The following CACNB1 variants were observed in gnomAD, a reference collection of about 807,000 sequenced individuals.
The protein encoded by CACNB1 is voltage-dependent L-type calcium channel subunit beta-1.
A neutral mutation model predicts 71.6 loss-of-function variants in CACNB1; 29 were observed. The ratio of observed to expected loss-of-function variants is 0.40; its 90% CI spans 0.30 to 0.55. The LOEUF (loss-of-function observed/expected upper bound fraction) is 0.55, where lower values mean the gene tolerates loss of function less well. Among genes scored for constraint, CACNB1 ranks in the 20% least tolerant of loss-of-function variants. CACNB1 has a pLI of 0.38. For synonymous variants in CACNB1, 300 were observed against 319.6 expected (o/e 0.94, Z 0.65); for missense variants, 623 against 801.8 (o/e 0.78, Z 2.69).
intron 11 of CACNB1, 38 bp downstream of exon 11, chr17:39,183,675 C>G (rs1199616472): frequency 2.0e-6 from 3 of 1,498,828 alleles, no homozygotes; most frequent in Middle Eastern, 1.8e-4. Flanking sequence ...CCCTTTCAAA[C>G]CACGCTGTCC....
At chr17:39,177,591 G>GT in intron 12 of CACNB1, 56 bp from the exon 13 acceptor site, 1 of 1,429,784 alleles carries the variant, frequency 7.0e-7, no homozygotes, top group South Asian at 1.3e-5. Flanking sequence ...GGCCAAGGGG[G>GT]TTGAGGGTGT....
chr17:39,177,306 C>A, intron 13 of CACNB1, 44 bp downstream of exon 13: 2 of 1,611,338 alleles, frequency 1.2e-6, no homozygotes. Context: ...CTCCAGCCCG[C>A]CCCAGAAGCC....
chr17:39,189,987 C>T (rs1047470781), intron 3 of CACNB1, among the ~76,000 whole-genome samples: 3 of 151,622 alleles, frequency 2.0e-5, no homozygotes, highest in Admixed American at 6.6e-5. Context: ...TGGTGGCGGG[C>T]GCCTATAATC....
chr17:39,189,788 G>A lies in CACNB1; in HGVS notation c.291+1686C>T, dbSNP rs576858709. 6.6e-5 allele frequency among the ~76,000 whole-genome samples: 10 copies of A among 150,914 alleles called. No homozygotes were observed. The East Asian group carries it at 8.3e-4, about 13-fold the overall frequency. On this transcript the variant is annotated intron_variant, in intron 3 of 13. Coordinates refer to ENST00000394303, the MANE Select transcript of CACNB1 (RefSeq NM_000723.5). ...GCCGGGATTACAGGCGTGAGCCACCGCACCCAGCCAGCCCTGTCGGTTTTT... is the reference window on the plus strand; with the variant it reads ...GCCGGGATTACAGGCGTGAGCCACCACACCCAGCCAGCCCTGTCGGTTTTT...
chr17:39,187,037 G>T (rs1356893138), intron 4 of CACNB1, 108 bp from the exon 5 acceptor site: 2 of 1,230,946 alleles, frequency 1.6e-6, no homozygotes, highest in African/African-American at 1.5e-5. Flanking sequence ...CAGCCCAGGG[G>T]TGGCACCCTC....
chr17:39,191,372 G>C (rs2046076465), intron 3 of CACNB1, 102 bp downstream of exon 3: 1 of 1,202,060 alleles, frequency 8.3e-7, no homozygotes, highest in South Asian at 1.6e-5. Context: ...GTACTAGGAA[G>C]TGGCTGGGTC....
chr17:39,184,341 G>T lies in CACNB1; in HGVS notation c.772C>A (p.His258Asn). 6.5e-7 allele frequency: 1 copy of T among 1,547,458 alleles called. No individual in the cohort carries two copies. The highest frequency in any genetic ancestry group is 8.7e-7 in the Non-Finnish European group (1 of 1,143,990). Residue 258 changes from histidine to asparagine, a missense_variant, in exon 9 of 14, where the codon CAT becomes AAT. Coordinates refer to ENST00000394303, the MANE Select transcript of CACNB1 (RefSeq NM_000723.5). Reference protein sequence around the residue: ...MQKALFDFLKHRFDGRISITR... With the variant: ...MQKALFDFLKNRFDGRISITR... ...GGATCTTACCTGCCATCAAACCGAT[G>T]CTTCAAGAAGTCAAATAAAGCTTTC...
chr17:39,179,786 G>T (rs1302607185), intron 11 of CACNB1, among the ~76,000 whole-genome samples: 1 of 151,942 alleles, frequency 6.6e-6, no homozygotes, highest in African/African-American at 2.4e-5. Flanking sequence ...GCACATGCCT[G>T]TAGTCCCAGC....
rs1044288605 is a variant in CACNB1 at position 39,175,015 on chromosome 17, T to TA, written c.*177dup. 38 of 613,254 alleles carry TA rather than the reference T, an allele frequency of 6.2e-5. No individual in the cohort carries two copies. Among genetic ancestry groups the TA allele is most frequent in the Non-Finnish European group, 1.0e-4 (36 of 351,438 alleles). The allele number at this position is 613,254 out of a possible 1,614,324, so 38.0% of individuals were successfully genotyped here. A position where few individuals can be genotyped will look rare whatever the true frequency, so the allele number is the denominator to read the frequency against. On this transcript the variant is annotated 3_prime_UTR_variant, in exon 14 of 14. Coordinates refer to ENST00000394303, the MANE Select transcript of CACNB1 (RefSeq NM_000723.5). The surrounding 1 kb of genome is among the most constrained non-coding windows in gnomAD (Gnocchi z 4.7). ...CAGGTAAAAACCGACAGCTGGGGCT[T>TA]AAGGGCCTCCCGGGAGCTGGGATGG...
chr17:39,196,404 C>G (rs924543408), intron 1 of CACNB1, among the ~76,000 whole-genome samples: 1 of 152,134 alleles, frequency 6.6e-6, no homozygotes, highest in Non-Finnish European at 1.5e-5. Context: ...GAAAGGAAGG[C>G]CCCAGTCAGC....
Position 39,186,069 on chromosome 17 carries a change from G to T in CACNB1, c.628+427C>A. The T allele has an allele frequency of 6.2e-7, 1 of 1,613,966 alleles. No homozygotes were observed. The highest frequency in any genetic ancestry group is 8.5e-7 in the Non-Finnish European group (1 of 1,179,918). The stretch of plus-strand genomic sequence containing the variant: ...GCCTCTTCCTCCTCTAACTCTAGGG[G>T]GTCTAGTTCAAAGGCTAAGTTAGTC... On this transcript the variant is annotated intron_variant, in intron 6 of 13. Coordinates refer to ENST00000394303, the MANE Select transcript of CACNB1 (RefSeq NM_000723.5). This position sits in a 1 kb window ranked among gnomAD's most constrained non-coding sequence, Gnocchi z 4.1.
intron 11 of CACNB1, among the ~76,000 whole-genome samples, chr17:39,182,032 G>C (rs1417487375): frequency 3.0e-4 from 45 of 151,994 alleles, no homozygotes; most frequent in Admixed American, 2.8e-3. Context: ...GTGGTGGCAT[G>C]CACCTGTAGT....
intron 3 of CACNB1, among the ~76,000 whole-genome samples, chr17:39,188,535 C>T (rs2045997173): frequency 6.6e-6 from 1 of 151,784 alleles, no homozygotes; most frequent in Non-Finnish European, 1.5e-5. Flanking sequence ...GATCATGCCA[C>T]TATACTCCAG....
chr17:39,186,688 C>A lies in CACNB1; in HGVS notation c.551+105G>T, dbSNP rs2045949559. The A allele has an allele frequency of 6.5e-7, 1 of 1,540,234 alleles. No individual in the cohort carries two copies. The highest frequency in any genetic ancestry group is 1.4e-5 in the African/African-American group (1 of 73,730). ...CCAGCCCCACTGGTGATGCCACAGGCAGCTCTGTGCCCTCAGGGCCAGGGA... is the reference window on the plus strand; with the variant it reads ...CCAGCCCCACTGGTGATGCCACAGGAAGCTCTGTGCCCTCAGGGCCAGGGA... On this transcript the variant is annotated intron_variant, in intron 5 of 13. Transcript: ENST00000394303. This position sits in a 1 kb window ranked among gnomAD's most constrained non-coding sequence, Gnocchi z 4.1.
Position 39,177,372 on chromosome 17 carries a change from G to C in CACNB1, c.1310C>G (p.Pro437Arg), listed in dbSNP as rs775571220. The part of the protein sequence containing the change: ...TMATAALAAS[P>R]APVSNLQGPY... ...TACCTGGAGGTTGGAGACAGGGGCA[G>C]GGCTGGCAGCCAGGGCTGCGGTAGC... Residue 437 changes from proline (P) to arginine (R), a missense_variant, in exon 13 of 14, where the codon CCT becomes CGT. By Grantham distance (103) the Pro-to-Arg change is moderately radical. Transcript: ENST00000394303. The C allele has an allele frequency of 1.9e-6, 3 of 1,613,424 alleles. No homozygotes were observed. Among genetic ancestry groups the C allele is most frequent in the Non-Finnish European group, 1.7e-6 (2 of 1,179,800 alleles).
rs1233277565 is a variant in CACNB1 at position 39,193,395 on chromosome 17, G to A, written c.171+1489C>T. The A allele has an allele frequency of 2.4e-5, 10 of 413,356 alleles. No individual in the cohort carries two copies. In the East Asian group the frequency reaches 5.3e-4, roughly 22 times the overall value. 25.6% of individuals were successfully genotyped at this position (413,356 alleles called of 1,614,324 possible). On this transcript the variant is annotated intron_variant, in intron 2 of 13. Coordinates refer to ENST00000394303, the MANE Select transcript of CACNB1 (RefSeq NM_000723.5). The stretch of plus-strand genomic sequence containing the variant: ...CTGGAGTAAAGGCTGCCCTCCGTCA[G>A]CTTTCCTGAGAGGCTGTTCTACCCG...
At position 39,193,060 on chromosome 17, in the gene CACNB1, G is replaced by GCA. The variant is rs963414933; in HGVS notation, c.172-1469_172-1468dup. ...CCAACACACACGCGGGCATGCGCGT[G>GCA]CACACACACACTCACCAACCCCAAC... is the stretch of plus-strand genomic sequence containing the variant. On this transcript the variant is annotated intron_variant, in intron 2 of 13. Coordinates refer to ENST00000394303, the MANE Select transcript of CACNB1 (RefSeq NM_000723.5). 71 of 177,212 alleles carry GCA rather than the reference G, an allele frequency of 4.0e-4. 1 individual carries two copies. Among genetic ancestry groups the GCA allele is most frequent in the African/African-American group, 1.7e-3 (69 of 41,596 alleles). 11.0% of individuals were successfully genotyped at this position (177,212 alleles called of 1,614,324 possible). A position where few individuals can be genotyped will look rare whatever the true frequency, so the allele number is the denominator to read the frequency against.
Position 39,186,381 on chromosome 17 carries a change from T to G in CACNB1, c.628+115A>C. The G allele has an allele frequency of 1.3e-6, 1 of 750,070 alleles. No individual in the cohort carries two copies. Among genetic ancestry groups the G allele is most frequent in the South Asian group, 1.8e-5 (1 of 56,908 alleles). 46.5% of individuals were successfully genotyped at this position (750,070 alleles called of 1,614,324 possible). ...TGGAGGGGGAACCACTGCATGTGCT[T>G]GGGGGACTCAGGATTGGGGTGTTTC... On this transcript the variant is annotated intron_variant, in intron 6 of 13. Coordinates refer to ENST00000394303, the MANE Select transcript of CACNB1 (RefSeq NM_000723.5). This position sits in a 1 kb window ranked among gnomAD's most constrained non-coding sequence, Gnocchi z 4.1.
intron 3 of CACNB1, among the ~76,000 whole-genome samples, chr17:39,189,178 C>CA (rs1473401225): frequency 1.3e-5 from 2 of 151,912 alleles, no homozygotes; most frequent in African/African-American, 4.8e-5. Context: ...GCCTGGCTAA[C>CA]ATGGTGAAAC....
Sources: allele counts gnomAD v4.1 joint callset (sites outside exome capture counted in the v4.1 genomes callset), GRCh38; gene constraint gnomAD v4.1.1; non-coding constraint Gnocchi (gnomAD v3.1); transcripts MANE v1.5; gene names NCBI Gene and HGNC (gene_info 2026-07-23, HGNC 2026-07-21).